The following MYO10 variants were observed in gnomAD, a reference collection of about 807,000 sequenced individuals.
MYO10 encodes myosin X, also known as unconventional myosin-X.
Under a neutral mutation model 257.3 loss-of-function variants are expected in MYO10, and 133 were observed. The ratio of observed to expected loss-of-function variants is 0.52; its 90% CI spans 0.45 to 0.60. MYO10 has a LOEUF of 0.60. Ranked by LOEUF, MYO10 falls within the 20% of genes least tolerant of loss-of-function variation. The probability of loss-of-function intolerance (pLI) is 0.00; values close to 1 mark genes in which losing one functional copy is unlikely to be tolerated. For synonymous variants in MYO10, 1,104 were observed against 1,028.6 expected, an observed-to-expected ratio of 1.07 and a Z score of -1.40; for missense variants, 2,399 against 2,635.7, an observed-to-expected ratio of 0.91 and a Z score of 1.97.
intron 27 of MYO10, among the ~76,000 whole-genome samples, chr5:16,692,268 A>C (rs1470116858): frequency 6.6e-6 from 1 of 151,986 alleles, no homozygotes; most frequent in Admixed American, 6.6e-5. Context: ...AAAAATACAA[A>C]AATTAGCCAG....
At chr5:16,775,014 A>G (rs1279457574) in intron 9 of MYO10, among the ~76,000 whole-genome samples, 1 of 152,164 alleles carries the variant, frequency 6.6e-6, no homozygotes, top group Non-Finnish European at 1.5e-5. Context: ...TAAACATTCG[A>G]TATTTGTGGA....
chr5:16,920,114 AAG>A (rs1745940347), intron 1 of MYO10, among the ~76,000 whole-genome samples: 1 of 152,056 alleles, frequency 6.6e-6, no homozygotes. Context: ...AGTCTCAAAA[AAG>A]AAAAAAAATT....
At position 16,663,324 on chromosome 5, in the gene MYO10, A is replaced by ATTT. The variant is rs1736039662; in HGVS notation, c.*3367_*3368insAAA. 3.3e-5 allele frequency: 2 copies of ATTT among 61,458 alleles called. No individual in the cohort carries two copies. Among genetic ancestry groups the ATTT allele is most frequent in the African/African-American group, 8.6e-5 (1 of 11,570 alleles). The allele number at this position is 61,458 out of a possible 1,614,324, so 3.8% of individuals were successfully genotyped here. On this transcript the variant is annotated 3_prime_UTR_variant, in exon 41 of 41. Coordinates refer to ENST00000513610, the MANE Select transcript of MYO10 (RefSeq NM_012334.3). ...TGGAAAAAAGTAACATTTTACTTCT[A>ATTT]GTTGTTTTTTTTTTTTTTTTTTTTT...
intron 19 of MYO10, among the ~76,000 whole-genome samples, chr5:16,720,750 G>A (rs1003131865): frequency 1.1e-4 from 16 of 152,182 alleles, no homozygotes; most frequent in Non-Finnish European, 1.9e-4. Context: ...GAGCCACCGC[G>A]CCCAGCCTCC....
intron 19 of MYO10, among the ~76,000 whole-genome samples, chr5:16,714,648 T>C (rs1738769671): frequency 6.6e-6 from 1 of 152,040 alleles, no homozygotes; most frequent in Admixed American, 6.6e-5. Flanking sequence ...TGAAACCCCG[T>C]CTCTACTAAA....
intron 28 of MYO10, among the ~76,000 whole-genome samples, chr5:16,687,001 C>T (rs28526319): frequency 0.072 from 10,926 of 152,092 alleles, 1,186 homozygotes; most frequent in African/African-American, 0.24. Context: ...AGTACTCTCA[C>T]ATCCAACCTC....
intron 19 of MYO10, among the ~76,000 whole-genome samples, chr5:16,753,764 C>A (rs1448814450): frequency 6.6e-6 from 1 of 152,126 alleles, no homozygotes; most frequent in African/African-American, 2.4e-5. Flanking sequence ...AGCCACCATG[C>A]CCGGCTACTG....
chr5:16,796,494 AGAAG>A (rs1741977370), intron 3 of MYO10, among the ~76,000 whole-genome samples: 2 of 151,776 alleles, frequency 1.3e-5, no homozygotes, highest in African/African-American at 4.8e-5. Context: ...AAAGAAAGAA[AGAAG>A]GAAAATAAAT....
intron 2 of MYO10, among the ~76,000 whole-genome samples, chr5:16,840,252 C>G (rs1038488993): frequency 3.3e-5 from 5 of 152,008 alleles, no homozygotes; most frequent in African/African-American, 1.2e-4. Flanking sequence ...GTCTCTATGA[C>G]AAATACAAAA....
At chr5:16,819,021 C>T (rs1386357787) in intron 2 of MYO10, among the ~76,000 whole-genome samples, 1 of 152,026 alleles carries the variant, frequency 6.6e-6, no homozygotes. Context: ...AATTTAAGTA[C>T]TTTAAATATG....
At chr5:16,919,664 C>A (rs1035259519) in intron 1 of MYO10, among the ~76,000 whole-genome samples, 9 of 152,178 alleles carry the variant, frequency 5.9e-5, no homozygotes, top group African/African-American at 2.2e-4. Flanking sequence ...TAAACCTTCA[C>A]AAGTTAAATA....
chr5:16,897,683 T>C (rs541549396), intron 1 of MYO10, among the ~76,000 whole-genome samples: 11 of 152,294 alleles, frequency 7.2e-5, no homozygotes, highest in Admixed American at 6.5e-4. Context: ...CATCCACTTA[T>C]CTCCACGGCC....
At chr5:16,674,706 C>A in intron 35 of MYO10, 147 bp downstream of exon 35, 1 of 890,746 alleles carries the variant, frequency 1.1e-6, no homozygotes, top group Non-Finnish European at 1.7e-6. Flanking sequence ...TCTAAGCTTG[C>A]TCAGGCAACC....
rs1306012182 is a variant in MYO10, at chr5:16,762,083, C to T, written c.1618G>A (p.Ala540Thr). ...NNHFYVKPRV[A>T]VNNFGVKHYA... ...TGCTTCACTCCAAAATTGTTAACTG[C>T]AACTCTGGGCTTCACATAAAAGTGG... Residue 540 changes from alanine to threonine, a missense_variant, in exon 16 of 41, where the codon GCA becomes ACA. Around this residue, in one of 3 missense-constraint regions of MYO10, gnomAD observed 337 missense variants for 446.8 expected, o/e 0.75. Transcript: ENST00000513610. 20 of 1,406,936 alleles carry T rather than the reference C, an allele frequency of 1.4e-5. No homozygotes were observed. The highest frequency in any genetic ancestry group is 1.9e-5 in the Non-Finnish European group (20 of 1,057,460). The allele number at this position is 1,406,936 out of a possible 1,614,324, so 87.2% of individuals were successfully genotyped here.
At position 16,680,029 on chromosome 5, in the gene MYO10, C is replaced by A. The variant is rs747780788; in HGVS notation, c.4460G>T (p.Arg1487Leu). The change falls in exon 33 of 41, where the codon CGG (arginine) becomes CTG (leucine). Residue 1487 changes from arginine to leucine, a missense_variant. By Grantham distance (102) the Arg-to-Leu change is moderately radical (BLOSUM62 -2). This residue lies in a region of MYO10 where 1,820 missense variants were observed against 1,939.4 expected (regional missense o/e 0.94). Transcript: ENST00000513610. ...LYTKLLNEAT[R>L]WSSAIQNVTD... ...CACGTTTTGAATGGCACTGGACCAC[C>A]GGGTGGCCTCGTTGAGCAGCTTGGT... 1.8e-5 allele frequency: 29 copies of A among 1,613,830 alleles called. No individual in the cohort carries two copies. The Middle Eastern group carries it at 1.2e-3, about 64-fold the overall frequency.
intron 26 of MYO10, among the ~76,000 whole-genome samples, chr5:16,697,370 A>C (rs1189247457): frequency 6.6e-6 from 1 of 152,218 alleles, no homozygotes; most frequent in Non-Finnish European, 1.5e-5. Flanking sequence ...GCTAACAGAA[A>C]AGAGAAGCAC....
At chr5:16,808,110 G>A (rs1417652879) in intron 3 of MYO10, among the ~76,000 whole-genome samples, 2 of 152,152 alleles carry the variant, frequency 1.3e-5, no homozygotes, top group African/African-American at 4.8e-5. Context: ...GTCTTCTAGT[G>A]CTTTATGCCC....
intron 1 of MYO10, among the ~76,000 whole-genome samples, chr5:16,901,397 G>C (rs1580131857): frequency 6.6e-6 from 1 of 152,268 alleles, no homozygotes; most frequent in East Asian, 1.9e-4. Flanking sequence ...GTGGTGCCCA[G>C]CAAAGAAGGC....
Position 16,672,673 on chromosome 5 carries a change from G to C in MYO10, c.5309+16C>G. On this transcript the variant is annotated intron_variant, in intron 37 of 40. Transcript: ENST00000513610. ...TCTTATTTGCTCTTCTGACACAGTA[G>C]GGAAAAGGAACCTACTTTTCAAACT... is the stretch of plus-strand genomic sequence containing the variant. 1 of 1,613,798 alleles carries C rather than the reference G, an allele frequency of 6.2e-7. No individual in the cohort carries two copies. Among genetic ancestry groups the C allele is most frequent in the Non-Finnish European group, 8.5e-7 (1 of 1,179,762 alleles).
Sources: allele counts gnomAD v4.1 joint callset (sites outside exome capture counted in the v4.1 genomes callset), GRCh38; gene constraint gnomAD v4.1.1; regional missense constraint gnomAD v4.1.1; transcripts MANE v1.5; gene names NCBI Gene and HGNC (gene_info 2026-07-23, HGNC 2026-07-21).